The following ESYT2 variants were observed in gnomAD, a reference collection of about 807,000 sequenced individuals.
The protein encoded by ESYT2 is extended synaptotagmin 2.
In ESYT2, 54 loss-of-function variants were observed where a neutral mutation model predicts 107.2. The ratio of observed to expected loss-of-function variants is 0.50; its 90% CI spans 0.40 to 0.63. The LOEUF (loss-of-function observed/expected upper bound fraction) is 0.63, where lower values mean the gene tolerates loss of function less well. Among genes scored for constraint, ESYT2 ranks in the 30% least tolerant of loss-of-function variants. The pLI is 0.00. For synonymous variants in ESYT2, 491 were observed against 434.1 expected, an observed-to-expected ratio of 1.13 and a Z score of -1.63; for missense variants, 1,020 against 1,094.5, an observed-to-expected ratio of 0.93 and a Z score of 0.96.
At chr7:158,749,832 T>A in intron 14 of ESYT2, 109 bp from the exon 15 acceptor site, 1 of 978,942 alleles carries the variant, frequency 1.0e-6, no homozygotes, top group Non-Finnish European at 1.5e-6. Context: ...TATTTATCTC[T>A]GATATTTAAG....
chr7:158,768,017 C>T (rs1838222043), intron 7 of ESYT2, among the ~76,000 whole-genome samples: 1 of 152,168 alleles, frequency 6.6e-6, no homozygotes, highest in Non-Finnish European at 1.5e-5. Context: ...AGTTATTGCA[C>T]AAGTAATGTG....
chr7:158,816,030 T>C (rs991708451), intron 1 of ESYT2, among the ~76,000 whole-genome samples: 4 of 152,130 alleles, frequency 2.6e-5, no homozygotes, highest in African/African-American at 7.2e-5. Context: ...GAGTGTCGCT[T>C]TATATGGCAA....
At chr7:158,782,123 G>T (rs186238089) in intron 6 of ESYT2, among the ~76,000 whole-genome samples, 11 of 116,872 alleles carry the variant, frequency 9.4e-5, no homozygotes, top group Non-Finnish European at 1.9e-4. Context: ...AGGTGTGAGT[G>T]TAAGAACGAG....
rs376305526 is a variant in ESYT2 at position 158,760,038 on chromosome 7, A to G, written c.1323+20T>C. On this transcript the variant is annotated intron_variant, in intron 12 of 22. Transcript: ENST00000275418. ...AGTAGTTGGTTAGGTAGTTTTCAAG[A>G]GCACATGCTTCAACAGCACCTTGTC... 2.5e-6 allele frequency: 4 copies of G among 1,612,984 alleles called. No homozygotes were observed. Among genetic ancestry groups the G allele is most frequent in the Non-Finnish European group, 3.4e-6 (4 of 1,178,922 alleles).
chr7:158,809,148 A>C (rs1839917290), intron 1 of ESYT2, among the ~76,000 whole-genome samples: 1 of 152,016 alleles, frequency 6.6e-6, no homozygotes, highest in South Asian at 2.1e-4. Flanking sequence ...ACTGTAGTAA[A>C]CTTTGGATCA....
chr7:158,792,893 C>T (rs894262367), intron 4 of ESYT2, among the ~76,000 whole-genome samples: 5 of 151,474 alleles, frequency 3.3e-5, no homozygotes, highest in East Asian at 2.0e-4. Context: ...CTCAGCCTCC[C>T]GAGTAGCTGG....
chr7:158,757,229 C>G (rs1178277413), intron 13 of ESYT2, among the ~76,000 whole-genome samples: 1 of 152,164 alleles, frequency 6.6e-6, no homozygotes, highest in East Asian at 1.9e-4. Context: ...AAAATAAAAG[C>G]ATGCAACATC....
intron 6 of ESYT2, among the ~76,000 whole-genome samples, chr7:158,785,366 G>A (rs924225123): frequency 1.3e-5 from 2 of 151,740 alleles, no homozygotes; most frequent in African/African-American, 4.8e-5. Flanking sequence ...TGGAGGTTGC[G>A]GTGAGCCGAG....
At chr7:158,760,827 G>A (rs1837936798) in intron 11 of ESYT2, among the ~76,000 whole-genome samples, 1 of 152,184 alleles carries the variant, frequency 6.6e-6, no homozygotes, top group African/African-American at 2.4e-5. Flanking sequence ...CCATGGGCAG[G>A]ACTGTCCATC....
At chr7:158,760,612 T>C (rs1199315621) in intron 11 of ESYT2, among the ~76,000 whole-genome samples, 1 of 152,214 alleles carries the variant, frequency 6.6e-6, no homozygotes, top group Non-Finnish European at 1.5e-5. Context: ...TAGGCAAGCA[T>C]GCTCCACCAA....
chr7:158,737,712 A>G (rs150659441), intron 19 of ESYT2, among the ~76,000 whole-genome samples: 2 of 152,320 alleles, frequency 1.3e-5, no homozygotes, highest in Non-Finnish European at 2.9e-5. Context: ...GCAAGAATAT[A>G]TGAACTTCTC....
chr7:158,746,315 C>T (rs1458456176), intron 16 of ESYT2, among the ~76,000 whole-genome samples: 1 of 151,950 alleles, frequency 6.6e-6, no homozygotes, highest in Non-Finnish European at 1.5e-5. Context: ...GTCCCAGCCA[C>T]TTGGGAGGCT....
At chr7:158,796,823 T>G (rs1195490300) in intron 3 of ESYT2, among the ~76,000 whole-genome samples, 1 of 147,832 alleles carries the variant, frequency 6.8e-6, no homozygotes, top group African/African-American at 2.5e-5. Flanking sequence ...GAAGGGGCAC[T>G]GCAGGCGAGA....
Position 158,741,806 on chromosome 7 carries a change from T to C in ESYT2, c.1885A>G (p.Thr629Ala), listed in dbSNP as rs1481418528. The C allele has an allele frequency of 6.2e-7, 1 of 1,613,976 alleles. No homozygotes were observed. Among genetic ancestry groups the C allele is most frequent in the Middle Eastern group, 1.6e-4 (1 of 6,062 alleles). ...CCAGACATATGAGATTTGATGGATGTTTTCCTCCCCTCTTTGGACACAGAG... is the reference window on the plus strand; with the variant it reads ...CCAGACATATGAGATTTGATGGATGCTTTCCTCCCCTCTTTGGACACAGAG... ...RPSVSKEGRK[T>A]SIKSHMSGSP... Residue 629 changes from threonine to alanine, a missense_variant, in exon 18 of 23, where the codon ACA (threonine) becomes GCA (alanine). By Grantham distance (58) the Thr-to-Ala change is moderately conservative (BLOSUM62 0). Transcript: ENST00000275418.
At chr7:158,768,089 A>C (rs1838226691) in intron 7 of ESYT2, among the ~76,000 whole-genome samples, 1 of 152,224 alleles carries the variant, frequency 6.6e-6, no homozygotes, top group African/African-American at 2.4e-5. Context: ...TACACTTCAT[A>C]ATTTCCTAAA....
At chr7:158,808,822 A>AG (rs2129473904) in intron 1 of ESYT2, among the ~76,000 whole-genome samples, 1 of 151,752 alleles carries the variant, frequency 6.6e-6, no homozygotes, top group African/African-American at 2.4e-5. Flanking sequence ...AAAAAAAAAA[A>AG]AATTAACGAG....
intron 1 of ESYT2, among the ~76,000 whole-genome samples, chr7:158,819,572 T>C (rs1484413824): frequency 1.3e-5 from 2 of 152,172 alleles, no homozygotes; most frequent in Non-Finnish European, 1.5e-5. Flanking sequence ...CACCCATATA[T>C]CCAAACATAT....
chr7:158,741,691 G>T lies in ESYT2; in HGVS notation c.2000C>A (p.Pro667His), dbSNP rs780629818. ...DKPGMEEKAQPPEAGPQGLHD... is the reference protein window; with the variant it reads ...DKPGMEEKAQHPEAGPQGLHD... Reference sequence around the variant, plus strand: ...CAGCCCCTGAGGGCCGGCCTCAGGGGGCTGGGCCTTTTCTTCCATACCAGG... The same window carrying T: ...CAGCCCCTGAGGGCCGGCCTCAGGGTGCTGGGCCTTTTCTTCCATACCAGG... The change falls in exon 18 of 23, where the codon CCC becomes CAC. Residue 667 changes from proline (P) to histidine (H), a missense_variant. Physicochemically the swap from Pro to His is moderately conservative, Grantham distance 77. Transcript: ENST00000275418. 6.2e-7 allele frequency: 1 copy of T among 1,613,964 alleles called. No individual in the cohort carries two copies. Among genetic ancestry groups the T allele is most frequent in the African/African-American group, 1.3e-5 (1 of 74,922 alleles).
intron 9 of ESYT2, among the ~76,000 whole-genome samples, chr7:158,763,618 T>C (rs1019578954): frequency 2.4e-4 from 37 of 152,042 alleles, no homozygotes; most frequent in African/African-American, 7.0e-4. Context: ...AGGACACTTA[T>C]TTTTTTATTG....
Sources: gnomAD v4.1 joint callset for allele counts (sites outside exome capture counted in the v4.1 genomes callset) on GRCh38, gnomAD v4.1.1 for gene constraint, MANE v1.5 for transcripts, NCBI Gene and HGNC (gene_info 2026-07-23, HGNC 2026-07-21) for gene names.